The following SNAPC1 variants were observed in gnomAD, a reference collection of about 807,000 sequenced individuals.
The protein encoded by SNAPC1 is small nuclear RNA activating complex polypeptide 1, also known as snRNA-activating protein complex subunit 1.
Under a neutral mutation model 50.1 loss-of-function variants are expected in SNAPC1, and 42 were observed. That is an observed-to-expected ratio of 0.84 (90% CI 0.65 to 1.08). The LOEUF (loss-of-function observed/expected upper bound fraction) is 1.08. Among genes scored for constraint, SNAPC1 ranks in the 50% least tolerant of loss-of-function variants. The pLI, the probability that SNAPC1 is intolerant of heterozygous loss-of-function variation, is 0.00. For missense variants in SNAPC1, 477 were observed against 427.3 expected, an observed-to-expected ratio of 1.12 and a Z score of -1.02; for synonymous variants, 164 against 144.2, an observed-to-expected ratio of 1.14 and a Z score of -0.98.
chr14:61,770,344 G>A (rs1169794672), intron 4 of SNAPC1, among the ~76,000 whole-genome samples: 2 of 151,076 alleles, frequency 1.3e-5, no homozygotes, highest in Non-Finnish European at 2.9e-5. Flanking sequence ...CTAGTTTCAA[G>A]TGATTCTTGT....
chr14:61,770,577 T>A (rs532707128), intron 4 of SNAPC1, among the ~76,000 whole-genome samples: 1 of 152,104 alleles, frequency 6.6e-6, no homozygotes, highest in South Asian at 2.1e-4. Context: ...GCCTGTCAGG[T>A]TGTTTGTAAT....
Position 61,795,129 on chromosome 14 carries a change from T to C in SNAPC1, c.*146T>C. On this transcript the variant is annotated 3_prime_UTR_variant, in exon 10 of 10. Coordinates refer to ENST00000216294, the MANE Select transcript of SNAPC1 (RefSeq NM_003082.4). ...ATTTCTTGGAAATTGCAATACGTAG[T>C]TCTAGAATAAAAGTACAAAAAATTA... is the stretch of plus-strand genomic sequence containing the variant. 1.9e-6 allele frequency: 1 copy of C among 536,274 alleles called. No homozygotes were observed. Among genetic ancestry groups the C allele is most frequent in the Non-Finnish European group, 3.3e-6 (1 of 301,620 alleles). The allele number at this position is 536,274 out of a possible 1,614,324, so 33.2% of individuals were successfully genotyped here.
At chr14:61,789,369 TTAA>T (rs1308060122) in intron 8 of SNAPC1, among the ~76,000 whole-genome samples, 2 of 151,992 alleles carry the variant, frequency 1.3e-5, no homozygotes, top group Non-Finnish European at 2.9e-5. Flanking sequence ...CTCGTTTCTA[TTAA>T]TAAAAAAATA....
At chr14:61,790,935 A>G (rs541689591) in intron 8 of SNAPC1, among the ~76,000 whole-genome samples, 16 of 152,346 alleles carry the variant, frequency 1.1e-4, no homozygotes, top group African/African-American at 3.8e-4. Flanking sequence ...TGAGCATAGT[A>G]AAACTGCCCA....
chr14:61,777,734 A>G (rs2045045427), intron 5 of SNAPC1, among the ~76,000 whole-genome samples: 1 of 151,856 alleles, frequency 6.6e-6, no homozygotes, highest in African/African-American at 2.4e-5. Context: ...ATTAGCCACC[A>G]TGCATAGCTA....
rs367867186 is a variant in SNAPC1, at chr14:61,780,415, C to G, written c.825+1505C>G. Among the ~76,000 whole-genome samples the G allele has an allele frequency of 1.0e-3, 155 of 152,280 alleles. 4 individuals are homozygous for G. In the South Asian group the frequency reaches 0.032, roughly 31 times the overall value. On this transcript the variant is annotated intron_variant, in intron 7 of 9. Coordinates refer to ENST00000216294, the MANE Select transcript of SNAPC1 (RefSeq NM_003082.4). ...AGCTCTGAGGTTGAGGAATGAGACA[C>G]TATTCTCTATAGATTTTCAATGCAC...
intron 4 of SNAPC1, among the ~76,000 whole-genome samples, chr14:61,773,435 C>CTCTG (rs1324314413): frequency 1.4e-5 from 2 of 141,760 alleles, no homozygotes; most frequent in African/African-American, 5.3e-5. Flanking sequence ...TGGAGTCTCC[C>CTCTG]TCTGTCGCCC....
intron 7 of SNAPC1, among the ~76,000 whole-genome samples, chr14:61,781,265 C>T (rs1035574557): frequency 3.8e-4 from 58 of 151,888 alleles, no homozygotes; most frequent in African/African-American, 1.2e-3. Context: ...CTGGCTAACA[C>T]GGTGAAACGC....
At chr14:61,789,475 A>G (rs892058303) in intron 8 of SNAPC1, among the ~76,000 whole-genome samples, 3 of 152,212 alleles carry the variant, frequency 2.0e-5, no homozygotes, top group African/African-American at 7.2e-5. Context: ...AGGATAGTAT[A>G]ATGAGAAACT....
At position 61,792,794 on chromosome 14, in the gene SNAPC1, T is replaced by G. The variant is rs1329873947; in HGVS notation, c.977-13T>G. ...TTTGCTTTCATATAAAATCATTTTC[T>G]AAATATTTCTAGGCAATGTGCAGAA... On this transcript the variant is annotated splice_polypyrimidine_tract_variant and intron_variant, in intron 8 of 9. Coordinates refer to ENST00000216294, the MANE Select transcript of SNAPC1 (RefSeq NM_003082.4). 3 of 1,389,280 alleles carry G rather than the reference T, an allele frequency of 2.2e-6. No homozygotes were observed. The highest frequency in any genetic ancestry group is 3.0e-6 in the Non-Finnish European group (3 of 1,012,828). The allele number at this position is 1,389,280 out of a possible 1,614,324, so 86.1% of individuals were successfully genotyped here.
intron 8 of SNAPC1, among the ~76,000 whole-genome samples, chr14:61,782,886 A>G (rs1389968162): frequency 6.6e-6 from 1 of 152,152 alleles, no homozygotes; most frequent in Non-Finnish European, 1.5e-5. Flanking sequence ...AGCATAGGTG[A>G]CAGAGCAAGA....
intron 7 of SNAPC1, among the ~76,000 whole-genome samples, chr14:61,779,697 T>C (rs2045057971): frequency 7.0e-6 from 1 of 143,612 alleles, no homozygotes; most frequent in African/African-American, 2.5e-5. Context: ...TTGAACTCTT[T>C]CACTTTGTTG....
At chr14:61,792,773 C>A in intron 8 of SNAPC1, 34 bp from the exon 9 acceptor site, 1 of 1,172,468 alleles carries the variant, frequency 8.5e-7, no homozygotes, top group African/African-American at 1.6e-5. Context: ...ATATTCTTTG[C>A]TTTCATATAA....
rs138759765 is a variant in SNAPC1, at chr14:61,762,420, A to AGAGGCGTGCGGGCTTCG, written c.-22_-6dup. 81,158 of 1,386,914 alleles carry AGAGGCGTGCGGGCTTCG rather than the reference A, an allele frequency of 0.059. 7,868 individuals are homozygous for AGAGGCGTGCGGGCTTCG. Among genetic ancestry groups the AGAGGCGTGCGGGCTTCG allele is most frequent in the Middle Eastern group, 0.075 (337 of 4,494 alleles). 85.9% of individuals were successfully genotyped at this position (1,386,914 alleles called of 1,614,324 possible). A position where few individuals can be genotyped will look rare whatever the true frequency, so the allele number is the denominator to read the frequency against. ...GGCGACCACCGCTGGCTAGTCCGTT[A>AGAGGCGTGCGGGCTTCG]GAGGCGTGCGGGCTTCGGAGGCGTG... On this transcript the variant is annotated 5_prime_UTR_variant, in exon 1 of 10. Coordinates refer to ENST00000216294, the MANE Select transcript of SNAPC1 (RefSeq NM_003082.4).
rs563046232 is a variant in SNAPC1, at chr14:61,785,365, G to A, written c.976+2968G>A. On this transcript the variant is annotated intron_variant, in intron 8 of 9. Coordinates refer to ENST00000216294, the MANE Select transcript of SNAPC1 (RefSeq NM_003082.4). ...GGTGAGCCAAGATCGCGCCAAGATG[G>A]AGCCTTTGCGCTCCAACCTGGGCAA... Among the ~76,000 whole-genome samples, 3 of 151,792 alleles carry A rather than the reference G, an allele frequency of 2.0e-5. No individual in the cohort carries two copies. The East Asian group carries it at 5.8e-4, about 29-fold the overall frequency.
At chr14:61,787,960 G>A (rs1414578582) in intron 8 of SNAPC1, among the ~76,000 whole-genome samples, 3 of 152,112 alleles carry the variant, frequency 2.0e-5, no homozygotes, top group Non-Finnish European at 2.9e-5. Context: ...TTTTTAATGT[G>A]GTTGGGGAAC....
At chr14:61,781,737 ATAGT>A (rs1196128164) in intron 7 of SNAPC1, among the ~76,000 whole-genome samples, 1 of 152,198 alleles carries the variant, frequency 6.6e-6, no homozygotes, top group African/African-American at 2.4e-5. Flanking sequence ...TTCCTTCTTA[ATAGT>A]TAGACAATTC....
Position 61,767,381 on chromosome 14 carries a change from T to C in SNAPC1, c.429+29T>C, listed in dbSNP as rs199771374. 99 of 1,366,274 alleles carry C rather than the reference T, an allele frequency of 7.2e-5. No individual in the cohort carries two copies. The East Asian group carries it at 1.3e-3, about 18-fold the overall frequency. 84.6% of individuals were successfully genotyped at this position (1,366,274 alleles called of 1,614,324 possible). On this transcript the variant is annotated intron_variant, in intron 3 of 9. Coordinates refer to ENST00000216294, the MANE Select transcript of SNAPC1 (RefSeq NM_003082.4). Reference sequence around the variant, plus strand: ...TGTTGCCTAAAATAATTTGGTTTTTTCAAAATGAGCAATTATACTTTATTG... The same window carrying C: ...TGTTGCCTAAAATAATTTGGTTTTTCCAAAATGAGCAATTATACTTTATTG...
rs977491361 is a variant in SNAPC1, at chr14:61,776,207, T to C, written c.647T>C (p.Ile216Thr). ...ATAAAGGATGATTTTTTTGACAATA[T>C]TAAGAACATAGTTTTGGAGCATCAG... ...SLIKDDFFDN[I>T]KNIVLEHQQW... The change falls in exon 5 of 10, where the codon ATT (isoleucine) becomes ACT (threonine). Residue 216 changes from isoleucine (I) to threonine (T), a missense_variant. Transcript: ENST00000216294. 8.7e-6 allele frequency: 14 copies of C among 1,613,246 alleles called. No individual in the cohort carries two copies. Among genetic ancestry groups the C allele is most frequent in the Non-Finnish European group, 1.2e-5 (14 of 1,179,688 alleles).
Sources: allele counts gnomAD v4.1 joint callset (sites outside exome capture counted in the v4.1 genomes callset), GRCh38; gene constraint gnomAD v4.1.1; transcripts MANE v1.5; gene names NCBI Gene and HGNC (gene_info 2026-07-23, HGNC 2026-07-21).